Variants in ACBD6 observed in about 807,000 individuals in gnomAD.
ACBD6 encodes acyl-CoA binding domain containing 6.
In ACBD6, 28 loss-of-function variants were observed where a neutral mutation model predicts 37.2. The ratio of observed to expected loss-of-function variants is 0.75; its 90% CI spans 0.56 to 1.03. ACBD6 has a LOEUF of 1.03. ACBD6 is among the 50% of genes least tolerant of loss of function. The pLI, the probability that ACBD6 is intolerant of heterozygous loss-of-function variation, is 0.00. For synonymous variants in ACBD6, 113 were observed against 126.8 expected, an observed-to-expected ratio of 0.89 and a Z score of 0.73; for missense variants, 340 against 337.4, an observed-to-expected ratio of 1.01 and a Z score of -0.06.
exon 14 of ACBD6, chr1:180,270,886 G>A (rs1648605898): frequency 4.8e-6 from 1 of 208,278 alleles, no homozygotes; most frequent in African/African-American, 2.3e-5. Flanking sequence ...GCTCACCCCT[G>A]GCTGTGAGCC....
At chr1:180,421,761 G>C (rs553288374) in intron 4 of ACBD6, among the ~76,000 whole-genome samples, 1 of 151,994 alleles carries the variant, frequency 6.6e-6, no homozygotes, top group Non-Finnish European at 1.5e-5. Context: ...TTTCTCCAAC[G>C]ATCAGTGATG....
intron 3 of ACBD6, among the ~76,000 whole-genome samples, chr1:180,439,102 C>T (rs1486704026): frequency 6.6e-6 from 1 of 152,158 alleles, no homozygotes. Flanking sequence ...GGTCTAATAG[C>T]TCATTTCTTT....
chr1:180,280,543 C>T (rs1414488475), intron 9 of ACBD6, among the ~76,000 whole-genome samples: 1 of 152,122 alleles, frequency 6.6e-6, no homozygotes, highest in Non-Finnish European at 1.5e-5. Context: ...AGGCAGAATG[C>T]CCAGTGGGAT....
intron 4 of ACBD6, among the ~76,000 whole-genome samples, chr1:180,427,784 T>C (rs541725982): frequency 2.5e-3 from 377 of 152,066 alleles, no homozygotes; most frequent in Non-Finnish European, 4.3e-3. Flanking sequence ...TAGTTGGGCA[T>C]GGTGGTGCGC....
At chr1:180,501,658 C>A (rs12077839) in intron 1 of ACBD6, among the ~76,000 whole-genome samples, 15,543 of 152,124 alleles carry the variant, frequency 0.1, 1,122 homozygotes, top group African/African-American at 0.19. Context: ...TTTTGGATCT[C>A]TATATAGTTT....
At chr1:180,429,853 T>C (rs1173539044) in intron 4 of ACBD6, among the ~76,000 whole-genome samples, 1 of 152,136 alleles carries the variant, frequency 6.6e-6, no homozygotes, top group East Asian at 1.9e-4. Context: ...ACTACTTGTG[T>C]GGGGAAAGTC....
chr1:180,279,430 G>A (rs1282559882), intron 9 of ACBD6, among the ~76,000 whole-genome samples: 2 of 152,102 alleles, frequency 1.3e-5, no homozygotes, highest in African/African-American at 2.4e-5. Flanking sequence ...CAGAGTACGT[G>A]GGATTACAGG....
At chr1:180,301,050 C>T (rs759658998) in intron 7 of ACBD6, among the ~76,000 whole-genome samples, 16 of 152,188 alleles carry the variant, frequency 1.1e-4, no homozygotes, top group African/African-American at 1.7e-4. Flanking sequence ...GTCAAGGTAA[C>T]ATCTCTGAAC....
At position 180,400,743 on chromosome 1, in the gene ACBD6, T is replaced by A. The variant is rs182600649; in HGVS notation, c.574-3138A>T. The stretch of plus-strand genomic sequence containing the variant: ...TAACCAGTAATTTGCAGAGATGCTA[T>A]CCTTATAATTAATCATGATAAAATC... On this transcript the variant is annotated intron_variant, in intron 5 of 7. Transcript: ENST00000367595. Among the ~76,000 whole-genome samples the A allele has an allele frequency of 1.1e-3, 168 of 152,312 alleles. 1 individual carries two copies. Among genetic ancestry groups the A allele is most frequent in the African/African-American group, 3.9e-3 (164 of 41,564 alleles).
intron 7 of ACBD6, among the ~76,000 whole-genome samples, chr1:180,289,625 T>C (rs1180105074): frequency 1.3e-5 from 2 of 152,198 alleles, no homozygotes; most frequent in Non-Finnish European, 2.9e-5. Context: ...CAGGAGATAT[T>C]TGCAAGCATG....
chr1:180,455,662 A>G (rs750227228), intron 3 of ACBD6, among the ~76,000 whole-genome samples: 1 of 152,204 alleles, frequency 6.6e-6, no homozygotes, highest in Non-Finnish European at 1.5e-5. Flanking sequence ...TCTGGGGTAA[A>G]GAAGGCATTA....
At chr1:180,430,115 A>G (rs1008436551) in intron 4 of ACBD6, 65 bp downstream of exon 4, 13 of 1,383,426 alleles carry the variant, frequency 9.4e-6, no homozygotes, top group Non-Finnish European at 1.2e-5. Flanking sequence ...AAGCACATAC[A>G]TACAAACACA....
Position 180,429,117 on chromosome 1 carries a change from A to G in ACBD6, c.467+1063T>C, listed in dbSNP as rs550742360. Among the ~76,000 whole-genome samples the G allele has an allele frequency of 3.9e-5, 6 of 152,320 alleles. No individual in the cohort carries two copies. The East Asian group carries it at 1.2e-3, about 29-fold the overall frequency. ...AATATGATCTTCACTATCAAAAACT[A>G]AAAGCTAAAAGTATTTCTAAGTATA... On this transcript the variant is annotated intron_variant, in intron 4 of 7. Coordinates refer to ENST00000367595, the MANE Select transcript of ACBD6 (RefSeq NM_032360.4).
At chr1:180,445,739 A>G (rs886690571) in intron 3 of ACBD6, among the ~76,000 whole-genome samples, 1 of 152,112 alleles carries the variant, frequency 6.6e-6, no homozygotes, top group African/African-American at 2.4e-5. Flanking sequence ...AGCCTAGACA[A>G]CATGGTGAGA....
At chr1:180,322,732 G>A (rs1037868080) in intron 6 of ACBD6, among the ~76,000 whole-genome samples, 4 of 148,886 alleles carry the variant, frequency 2.7e-5, no homozygotes, top group African/African-American at 9.9e-5. Context: ...GATTTTATTT[G>A]GGTCTTCTCT....
chr1:180,356,866 A>G (rs1652651273), intron 6 of ACBD6, among the ~76,000 whole-genome samples: 7 of 151,244 alleles, frequency 4.6e-5, no homozygotes, highest in Admixed American at 4.6e-4. Flanking sequence ...AAAAAAAAAA[A>G]CAAAGATTGT....
intron 4 of ACBD6, among the ~76,000 whole-genome samples, chr1:180,419,522 A>T (rs796766746): frequency 6.6e-6 from 1 of 152,226 alleles, no homozygotes; most frequent in African/African-American, 2.4e-5. Flanking sequence ...AGGAATTCGT[A>T]TAAGTTGACC....
intron 1 of ACBD6, 120 bp downstream of exon 1, chr1:180,501,924 CA>C: frequency 1.3e-6 from 1 of 755,836 alleles, no homozygotes; most frequent in South Asian, 1.8e-5. Context: ...AAAAACAAAA[CA>C]AAATACACAT....
intron 3 of ACBD6, among the ~76,000 whole-genome samples, chr1:180,482,704 T>C (rs1333191763): frequency 6.6e-6 from 1 of 152,160 alleles, no homozygotes; most frequent in Non-Finnish European, 1.5e-5. Flanking sequence ...TTGCAGAAAC[T>C]AAGTTAACCT....
Sources: gnomAD v4.1 joint callset for allele counts (sites outside exome capture counted in the v4.1 genomes callset) on GRCh38, gnomAD v4.1.1 for gene constraint, MANE v1.5 for transcripts, NCBI Gene and HGNC (gene_info 2026-07-23, HGNC 2026-07-21) for gene names.